The following FAM181A variants were observed in gnomAD, a reference collection of about 807,000 sequenced individuals.
FAM181A encodes the protein family with sequence similarity 181 member A.
FAM181A carries 7 observed loss-of-function variants against 16.3 expected under a neutral mutation model. The observed-to-expected ratio is 0.43, with a 90% CI of 0.24 to 0.81. The LOEUF (loss-of-function observed/expected upper bound fraction) is 0.81. Among genes scored for constraint, FAM181A ranks in the 30% least tolerant of loss-of-function variants. The probability of loss-of-function intolerance (pLI) is 0.24; values close to 1 mark genes in which losing one functional copy is unlikely to be tolerated. For missense variants in FAM181A, 349 were observed against 377.5 expected (o/e 0.92, Z 0.63); for synonymous variants, 183 against 164.9 (o/e 1.11, Z -0.84).
upstream of FAM181A, chr14:93,923,854 T>C (rs1887810741): frequency 6.6e-6 from 1 of 152,260 alleles, no homozygotes; most frequent in Non-Finnish European, 1.5e-5. Flanking sequence ...CATAGTCCTG[T>C]AGGATTACAG....
upstream of FAM181A, chr14:93,923,465 A>G (rs1426122762): frequency 1.3e-5 from 2 of 152,244 alleles, no homozygotes. Flanking sequence ...GTTGACATCC[A>G]GAGGTTCTGG....
intron 1 of FAM181A, 167 bp downstream of exon 1, chr14:93,927,621 C>A (rs1249049228): frequency 7.8e-7 from 1 of 1,285,862 alleles, no homozygotes. Context: ...GAGATCAGCC[C>A]GCAAGGCAGG....
chr14:93,919,236 T>C (rs190837459), intron 1 of FAM181A, among the ~76,000 whole-genome samples: 104 of 152,352 alleles, frequency 6.8e-4, no homozygotes, highest in Non-Finnish European at 1.1e-3. Context: ...TCATGGCTGA[T>C]GTCTTAATCC....
At chr14:93,921,396 G>A (rs910726996) in intron 1 of FAM181A, among the ~76,000 whole-genome samples, 1 of 152,182 alleles carries the variant, frequency 6.6e-6, no homozygotes, top group Admixed American at 6.5e-5. Flanking sequence ...CAAGGTCTCT[G>A]CCTCCTCTGA....
chr14:93,928,599 G>A lies in FAM181A; in HGVS notation c.314G>A (p.Arg105Lys). ...CKEKVLRNPY[R>K]EECLAKEQLP... is the part of the protein sequence containing the mutation. Reference sequence around the variant, plus strand: ...GAGAAGGTGCTGAGGAACCCCTACAGGGAGGAATGTCTTGCTAAGGAGCAG... The same window carrying A: ...GAGAAGGTGCTGAGGAACCCCTACAAGGAGGAATGTCTTGCTAAGGAGCAG... The change falls in exon 2 of 2, where the codon AGG becomes AAG. Residue 105 changes from arginine to lysine, a missense_variant. Transcript: ENST00000556222. The A allele has an allele frequency of 1.2e-6, 2 of 1,613,932 alleles. No homozygotes were observed. Among genetic ancestry groups the A allele is most frequent in the Non-Finnish European group, 8.5e-7 (1 of 1,179,992 alleles).
In FAM181A at chr14:93,929,067, G is replaced by C; in HGVS notation, c.782G>C (p.Gly261Ala). The part of the protein sequence containing the change: ...ELAHLCKDVD[G>A]LGQKVCRPVV... The stretch of plus-strand genomic sequence containing the variant: ...GCGCACCTCTGCAAGGATGTGGACG[G>C]CCTGGGGCAGAAGGTGTGCAGGCCC... Residue 261 changes from glycine to alanine, a missense_variant, in exon 2 of 2, where the codon GGC becomes GCC. Physicochemically the swap from Gly to Ala is moderately conservative, Grantham distance 60 (BLOSUM62 0). Transcript: ENST00000556222. 1 of 1,579,670 alleles carries C rather than the reference G, an allele frequency of 6.3e-7. No individual in the cohort carries two copies. Among genetic ancestry groups the C allele is most frequent in the Non-Finnish European group, 8.6e-7 (1 of 1,162,074 alleles).
upstream of FAM181A, among the ~76,000 whole-genome samples, chr14:93,924,644 A>G (rs922300758): frequency 8.5e-5 from 13 of 152,184 alleles, no homozygotes; most frequent in African/African-American, 2.9e-4. Context: ...AAGGTCCAAC[A>G]TTGTGCTAGA....
intron 1 of FAM181A, among the ~76,000 whole-genome samples, chr14:93,927,922 G>A (rs1452385463): frequency 6.6e-6 from 1 of 152,138 alleles, no homozygotes; most frequent in African/African-American, 2.4e-5. Context: ...ACCTGTAGCT[G>A]GGTCACCTTG....
At chr14:93,925,143 G>T, upstream of FAM181A, 1 of 806,146 alleles carries the variant, frequency 1.2e-6, no homozygotes, top group Non-Finnish European at 2.0e-6. Flanking sequence ...TGGTGGGGAG[G>T]CTTACTACTG....
intron 1 of FAM181A, among the ~76,000 whole-genome samples, chr14:93,921,336 CA>C (rs1246074173): frequency 1.3e-5 from 2 of 152,176 alleles, no homozygotes; most frequent in Admixed American, 6.5e-5. Flanking sequence ...GGACTGCAGC[CA>C]GGGGTGCTGG....
At position 93,928,645 on chromosome 14, in the gene FAM181A, A is replaced by G. The variant is rs748524339; in HGVS notation, c.360A>G (p.Pro120=). The G allele has an allele frequency of 1.2e-6, 2 of 1,614,034 alleles. No homozygotes were observed. Among genetic ancestry groups the G allele is most frequent in the Admixed American group, 3.3e-5 (2 of 60,036 alleles). ...AGCAGCTCCCACAGAGGCAGCATCC[A>G]GAAGCTGCCCAGCCTGGCCAGGTGC... ...AKEQLPQRQH[P]EAAQPGQVPM... Residue 120 remains proline (P), a synonymous_variant, in exon 2 of 2, where the codon CCA becomes CCG. Transcript: ENST00000556222.
upstream of FAM181A, among the ~76,000 whole-genome samples, chr14:93,923,004 C>T (rs1465091171): frequency 6.6e-6 from 1 of 151,570 alleles, no homozygotes; most frequent in Non-Finnish European, 1.5e-5. Flanking sequence ...GATGAAGTCT[C>T]ACTCTTGTCC....
chr14:93,926,860 G>C (rs539067896), upstream of FAM181A: 4 of 152,374 alleles, frequency 2.6e-5, no homozygotes, highest in African/African-American at 9.6e-5. This position sits in a 1 kb window ranked among gnomAD's most constrained non-coding sequence, Gnocchi z 5.2. Flanking sequence ...GAGTGAGAGC[G>C]AGAGAGCCAC....
chr14:93,921,036 A>AT (rs1280378099), intron 1 of FAM181A, among the ~76,000 whole-genome samples: 2 of 152,240 alleles, frequency 1.3e-5, no homozygotes, highest in African/African-American at 4.8e-5. Context: ...TTTGCCAAAT[A>AT]TAAGTAGCAC....
At chr14:93,921,363 C>A (rs1170373678) in intron 1 of FAM181A, among the ~76,000 whole-genome samples, 1 of 152,194 alleles carries the variant, frequency 6.6e-6, no homozygotes, top group Non-Finnish European at 1.5e-5. Context: ...GCTGAGCCGG[C>A]CTGTGACTAC....
upstream of FAM181A, chr14:93,924,975 C>A: frequency 2.4e-6 from 1 of 421,762 alleles, no homozygotes; most frequent in Non-Finnish European, 4.2e-6. Flanking sequence ...ACAAAGAATC[C>A]ATTTTCTTCC....
chr14:93,919,473 C>G (rs758069210), intron 1 of FAM181A, among the ~76,000 whole-genome samples: 1 of 152,184 alleles, frequency 6.6e-6, no homozygotes, highest in Non-Finnish European at 1.5e-5. Context: ...ATATCCACCT[C>G]ATTATGAAGG....
chr14:93,925,293 T>A (rs1887860269), upstream of FAM181A: 3 of 1,613,648 alleles, frequency 1.9e-6, no homozygotes, highest in Non-Finnish European at 2.5e-6. Context: ...AGAGAGAAGA[T>A]CTTCTGGAGA....
rs1287448148 is a variant in FAM181A at position 93,929,607 on chromosome 14, T to C, written c.*443T>C. ...AAAGACATTTCTTTTGGAGTTTCCA[T>C]ATCTTGGGTGTCATGAAGTTGAATG... On this transcript the variant is annotated 3_prime_UTR_variant, in exon 2 of 2. Coordinates refer to ENST00000556222, the MANE Select transcript of FAM181A (RefSeq NM_001207073.2). 2 of 158,736 alleles carry C rather than the reference T, an allele frequency of 1.3e-5. No individual in the cohort carries two copies. Among genetic ancestry groups the C allele is most frequent in the East Asian group, 3.7e-4 (2 of 5,410 alleles). 9.8% of individuals were successfully genotyped at this position (158,736 alleles called of 1,614,324 possible).
Sources: gnomAD v4.1 joint callset for allele counts (sites outside exome capture counted in the v4.1 genomes callset) on GRCh38, gnomAD v4.1.1 for gene constraint, Gnocchi (gnomAD v3.1) non-coding constraint, MANE v1.5 for transcripts, NCBI Gene and HGNC (gene_info 2026-07-23, HGNC 2026-07-21) for gene names.